Variants in EYS observed in about 807,000 individuals in gnomAD.
EYS encodes the protein EGF-like photoreceptor maintenance factor, also known as protein eyes shut homolog.
Under a neutral mutation model 282.1 loss-of-function variants are expected in EYS, and 250 were observed. That is an observed-to-expected ratio of 0.89 (90% CI 0.80 to 0.98). EYS has a LOEUF of 0.98. Among genes scored for constraint, EYS ranks in the 50% least tolerant of loss-of-function variants. EYS has a pLI of 0.00. For synonymous variants in EYS, 1,355 were observed against 1,282.9 expected, an observed-to-expected ratio of 1.06 and a Z score of -1.20; for missense variants, 4,016 against 3,709.0, an observed-to-expected ratio of 1.08 and a Z score of -2.15.
At chr6:65,227,712 T>C (rs1766664388) in intron 12 of EYS, among the ~76,000 whole-genome samples, 1 of 152,096 alleles carries the variant, frequency 6.6e-6, no homozygotes, top group Non-Finnish European at 1.5e-5. Flanking sequence ...AAATGTGGTA[T>C]AGCCATAAAA....
At chr6:65,515,523 A>G (rs534416801) in intron 2 of EYS, among the ~76,000 whole-genome samples, 145 of 151,928 alleles carry the variant, frequency 9.5e-4, no homozygotes, top group African/African-American at 3.3e-3. Context: ...TCACAATAGC[A>G]AAGACTTGGA....
chr6:65,289,026 GAAACAAATAAA>G (rs1768448975), intron 12 of EYS, among the ~76,000 whole-genome samples: 1 of 150,708 alleles, frequency 6.6e-6, no homozygotes, highest in African/African-American at 2.4e-5. Flanking sequence ...TAGAATGGAT[GAAACAAATAAA>G]AAACAAATAG....
rs371458476 is a variant in EYS, at chr6:65,325,207, C to T, written c.1766+9773G>A. On this transcript the variant is annotated intron_variant, in intron 11 of 42. Coordinates refer to ENST00000503581, the MANE Select transcript of EYS (RefSeq NM_001142800.2). ...AATTCTCCTTTCTCCCTCTTCTCCC[C>T]TCCTCCTCTCCCTTCTTCATCCTCC... Among the ~76,000 whole-genome samples, 19 of 152,270 alleles carry T rather than the reference C, an allele frequency of 1.2e-4. No individual in the cohort carries two copies. The East Asian group carries it at 3.1e-3, about 25-fold the overall frequency.
rs138596974 is a variant in EYS, at chr6:64,019,616, G to A, written c.6726-20433C>T. Among the ~76,000 whole-genome samples the A allele has an allele frequency of 4.3e-3, 656 of 151,508 alleles. 3 individuals are homozygous for A. The highest frequency in any genetic ancestry group is 0.015 in the African/African-American group (627 of 41,330). On this transcript the variant is annotated intron_variant, in intron 33 of 42. Coordinates refer to ENST00000503581, the MANE Select transcript of EYS (RefSeq NM_001142800.2). ...AGTGGAGACGGGGTTTCACCATATT[G>A]GCCAGGCTGGTCTCGAACTCCTGAC...
chr6:65,327,673 T>C (rs1459176793), intron 11 of EYS, among the ~76,000 whole-genome samples: 2 of 151,560 alleles, frequency 1.3e-5, no homozygotes, highest in African/African-American at 2.4e-5. Flanking sequence ...TTAACCAAGA[T>C]AATTCCCTAA....
chr6:64,169,430 AG>A (rs1764408480), intron 31 of EYS, among the ~76,000 whole-genome samples: 1 of 33,654 alleles, frequency 3.0e-5, no homozygotes, highest in East Asian at 1.0e-3. Context: ...TTTGAGGAGG[AG>A]TTTTTTTTTT....
chr6:64,723,487 T>C (rs1771654643), intron 22 of EYS, among the ~76,000 whole-genome samples: 1 of 152,210 alleles, frequency 6.6e-6, no homozygotes, highest in African/African-American at 2.4e-5. Flanking sequence ...CCATCTGTAG[T>C]GATGCATAAA....
At chr6:63,750,591 C>G (rs929033389) in intron 41 of EYS, among the ~76,000 whole-genome samples, 3 of 152,162 alleles carry the variant, frequency 2.0e-5, no homozygotes, top group Admixed American at 1.3e-4. Context: ...GTCCTTTGGG[C>G]AGCCCTCAGA....
intron 24 of EYS, among the ~76,000 whole-genome samples, chr6:64,606,556 T>C (rs1205165229): frequency 2.6e-5 from 4 of 152,114 alleles, no homozygotes; most frequent in Non-Finnish European, 5.9e-5. Flanking sequence ...TTTATACTTA[T>C]CTTTAACTAA....
intron 2 of EYS, among the ~76,000 whole-genome samples, chr6:65,521,257 ACAG>A (rs1442815813): frequency 9.2e-5 from 14 of 152,254 alleles, no homozygotes; most frequent in Admixed American, 6.5e-5. Context: ...GTACTTAAGT[ACAG>A]AGGCTCTAGA....
intron 26 of EYS, among the ~76,000 whole-genome samples, chr6:64,441,372 G>A (rs1449906342): frequency 6.6e-6 from 1 of 152,146 alleles, no homozygotes; most frequent in Admixed American, 6.5e-5. Flanking sequence ...CAGATCAGCT[G>A]TAGACAAGAA....
chr6:64,471,363 A>G (rs922491884), intron 26 of EYS, among the ~76,000 whole-genome samples: 1 of 152,174 alleles, frequency 6.6e-6, no homozygotes, highest in African/African-American at 2.4e-5. Flanking sequence ...AGGCCAAAAG[A>G]CACTTAGAAT....
At chr6:64,408,175 TAATA>T (rs555936697) in intron 28 of EYS, among the ~76,000 whole-genome samples, 10 of 151,904 alleles carry the variant, frequency 6.6e-5, no homozygotes, top group East Asian at 3.9e-4. Flanking sequence ...AATGAGTTAA[TAATA>T]AATAAATAAA....
At chr6:65,477,753 C>T (rs911740617) in intron 5 of EYS, among the ~76,000 whole-genome samples, 9 of 152,148 alleles carry the variant, frequency 5.9e-5, no homozygotes, top group Admixed American at 3.9e-4. Flanking sequence ...TCCATATGGC[C>T]ATTTGTAGCA....
At chr6:65,172,782 C>T (rs922968397) in intron 12 of EYS, among the ~76,000 whole-genome samples, 4 of 151,202 alleles carry the variant, frequency 2.6e-5, no homozygotes, top group Middle Eastern at 3.4e-3. Context: ...ATTAATATCA[C>T]GTCAAATAAT....
intron 14 of EYS, among the ~76,000 whole-genome samples, chr6:64,996,770 A>C (rs1342741319): frequency 2.6e-5 from 4 of 152,256 alleles, no homozygotes; most frequent in Admixed American, 2.6e-4. Flanking sequence ...GTGCACTGAC[A>C]GTCAAAATAT....
At chr6:64,063,615 AAAC>A (rs1224569432) in intron 33 of EYS, among the ~76,000 whole-genome samples, 17 of 152,158 alleles carry the variant, frequency 1.1e-4, no homozygotes, top group African/African-American at 4.1e-4. Flanking sequence ...TCTACCTTTC[AAAC>A]TTTGTTTTTC....
chr6:65,336,118 T>A (rs1441599870), intron 10 of EYS, among the ~76,000 whole-genome samples: 1 of 151,774 alleles, frequency 6.6e-6, no homozygotes, highest in Non-Finnish European at 1.5e-5. Context: ...GTAGAGCCTG[T>A]GGAACTGTGT....
At chr6:63,875,810 T>C (rs1007107539) in intron 35 of EYS, among the ~76,000 whole-genome samples, 1 of 152,228 alleles carries the variant, frequency 6.6e-6, no homozygotes, top group Non-Finnish European at 1.5e-5. Flanking sequence ...ATGGGATCGG[T>C]GGTGATATCC....
Sources: allele counts gnomAD v4.1 joint callset (sites outside exome capture counted in the v4.1 genomes callset), GRCh38; gene constraint gnomAD v4.1.1; transcripts MANE v1.5; gene names NCBI Gene and HGNC (gene_info 2026-07-23, HGNC 2026-07-21).